The following ARMH1 variants were observed in gnomAD, a reference collection of about 807,000 sequenced individuals.
ARMH1 encodes armadillo-like helical domain containing protein 1.
Under a neutral mutation model 50.2 loss-of-function variants are expected in ARMH1, and 34 were observed. The ratio of observed to expected loss-of-function variants is 0.68; its 90% CI spans 0.51 to 0.90. ARMH1 has a LOEUF of 0.90. ARMH1 is among the 40% of genes least tolerant of loss of function. The probability of loss-of-function intolerance (pLI) is 0.00; values close to 1 mark genes in which losing one functional copy is unlikely to be tolerated. For missense variants in ARMH1, 538 were observed against 553.9 expected (o/e 0.97, Z 0.29); for synonymous variants, 221 against 224.2 (o/e 0.99, Z 0.13).
intron 4 of ARMH1, among the ~76,000 whole-genome samples, chr1:44,699,917 C>T (rs1645987431): frequency 6.6e-6 from 1 of 151,708 alleles, no homozygotes; most frequent in African/African-American, 2.4e-5. Flanking sequence ...ACAACCTCCA[C>T]CTCCCGGGTT....
At chr1:44,698,734 A>C (rs1242939169) in intron 4 of ARMH1, among the ~76,000 whole-genome samples, 3 of 151,844 alleles carry the variant, frequency 2.0e-5, no homozygotes, top group Non-Finnish European at 4.4e-5. Flanking sequence ...AATCGCTTGA[A>C]CACAGGAGGC....
Position 44,697,611 on chromosome 1 carries a change from G to T in ARMH1, c.275+441G>T, listed in dbSNP as rs530755321. Among the ~76,000 whole-genome samples, 89 of 152,198 alleles carry T rather than the reference G, an allele frequency of 5.8e-4. 1 individual carries two copies. In the South Asian group the frequency reaches 0.017, roughly 29 times the overall value. ...CCTCTGTATGCCATGGTCCTCAGGA[G>T]CTCTAGACATACCAAAAACAGAGCA... On this transcript the variant is annotated intron_variant, in intron 3 of 11. Coordinates refer to ENST00000535358, the MANE Select transcript of ARMH1 (RefSeq NM_001145636.2).
At position 44,716,896 on chromosome 1, in the gene ARMH1, GC is replaced by G. The variant is rs1646875539; in HGVS notation, c.725-7225del. ...GACGGAGTCTCACTCTGTAACCTAG[GC>G]TGGAGTGCAGTGGCGCGATCTCGGC... On this transcript the variant is annotated intron_variant, in intron 6 of 11. Transcript: ENST00000535358. Among the ~76,000 whole-genome samples the G allele has an allele frequency of 2.0e-5, 3 of 150,788 alleles. No homozygotes were observed. In the South Asian group the frequency reaches 6.3e-4, roughly 32 times the overall value.
chr1:44,694,509 CTTTT>C (rs10531731), intron 2 of ARMH1, among the ~76,000 whole-genome samples: 8 of 113,640 alleles, frequency 7.0e-5, no homozygotes, highest in East Asian at 5.6e-4. Context: ...TTCTTTTTTT[CTTTT>C]TTTTTTTTTT....
At chr1:44,698,779 C>T (rs1351598872) in intron 4 of ARMH1, among the ~76,000 whole-genome samples, 2 of 150,100 alleles carry the variant, frequency 1.3e-5, no homozygotes, top group African/African-American at 4.9e-5. Context: ...CACCATTGCA[C>T]TCCAGCCTGG....
At chr1:44,720,814 T>C (rs957502146) in intron 6 of ARMH1, among the ~76,000 whole-genome samples, 1 of 152,096 alleles carries the variant, frequency 6.6e-6, no homozygotes, top group Non-Finnish European at 1.5e-5. Flanking sequence ...GGCAGGTGGA[T>C]CACTTGAGGT....
At chr1:44,721,059 G>A (rs1202150375) in intron 6 of ARMH1, among the ~76,000 whole-genome samples, 1 of 151,414 alleles carries the variant, frequency 6.6e-6, no homozygotes, top group South Asian at 2.1e-4. Context: ...AACAAAAAAA[G>A]GGCAAAAGAA....
At chr1:44,698,615 AG>A (rs1386726197) in intron 4 of ARMH1, among the ~76,000 whole-genome samples, 1 of 151,212 alleles carries the variant, frequency 6.6e-6, no homozygotes, top group East Asian at 2.0e-4. Context: ...GTTTGAGACC[AG>A]CCTGACCAAC....
At chr1:44,716,151 T>G (rs1269518932) in intron 6 of ARMH1, among the ~76,000 whole-genome samples, 1 of 152,166 alleles carries the variant, frequency 6.6e-6, no homozygotes, top group Non-Finnish European at 1.5e-5. Flanking sequence ...GTCAATTTTT[T>G]TTTTTCAGCA....
chr1:44,721,043 A>G (rs1647088991), intron 6 of ARMH1, among the ~76,000 whole-genome samples: 2 of 151,934 alleles, frequency 1.3e-5, no homozygotes, highest in Admixed American at 1.3e-4. Flanking sequence ...TCTCAAAACA[A>G]AACAAAACAA....
chr1:44,722,220 A>C (rs1024990047), intron 6 of ARMH1, among the ~76,000 whole-genome samples: 1 of 152,108 alleles, frequency 6.6e-6, no homozygotes. Flanking sequence ...TGGGGAGAGC[A>C]CATGGCCAAG....
At chr1:44,708,343 G>A (rs1181049597) in intron 6 of ARMH1, among the ~76,000 whole-genome samples, 1 of 152,246 alleles carries the variant, frequency 6.6e-6, no homozygotes, top group East Asian at 1.9e-4. Flanking sequence ...GAGCCTGAGT[G>A]ACTGCGGGGA....
chr1:44,701,492 C>CT (rs112588701), intron 5 of ARMH1, among the ~76,000 whole-genome samples: 5,007 of 145,588 alleles, frequency 0.034, 186 homozygotes, highest in East Asian at 0.14. Flanking sequence ...CTGGGGAAGG[C>CT]TTTTTTTTTT....
At chr1:44,718,835 A>G (rs534896561) in intron 6 of ARMH1, among the ~76,000 whole-genome samples, 2 of 151,916 alleles carry the variant, frequency 1.3e-5, no homozygotes, top group African/African-American at 4.8e-5. Context: ...GACCAGCCTG[A>G]CCACCATGGA....
chr1:44,701,923 CAA>C (rs199970205), intron 5 of ARMH1, among the ~76,000 whole-genome samples: 19 of 132,736 alleles, frequency 1.4e-4, no homozygotes, highest in East Asian at 2.2e-4. Flanking sequence ...AGACTCGTGT[CAA>C]AAAAAAAAAA....
At position 44,698,234 on chromosome 1, in the gene ARMH1, G is replaced by A. The variant is rs1557532422; in HGVS notation, c.442+5G>A. On this transcript the variant is annotated splice_donor_5th_base_variant and intron_variant, in intron 4 of 11. Transcript: ENST00000535358. ...AACTCATTTGTGAAAGCTATGGTGG[G>A]TACTGTGTGTGACAAGATGTGTCTC... The A allele has an allele frequency of 1.3e-6, 2 of 1,549,796 alleles. No homozygotes were observed. The highest frequency in any genetic ancestry group is 2.7e-5 in the African/African-American group (2 of 73,092).
chr1:44,704,026 G>A lies in ARMH1; in HGVS notation c.640-63G>A, dbSNP rs1221297949. Reference sequence around the variant, plus strand: ...CAGGCGTGAGCCACCGCACCCGGCCGGGAATCCATCTTTAAAAAAAAAAAA... The same window carrying A: ...CAGGCGTGAGCCACCGCACCCGGCCAGGAATCCATCTTTAAAAAAAAAAAA... On this transcript the variant is annotated intron_variant, in intron 5 of 11. Coordinates refer to ENST00000535358, the MANE Select transcript of ARMH1 (RefSeq NM_001145636.2). 3.7e-5 allele frequency: 51 copies of A among 1,394,594 alleles called. 2 individuals are homozygous for A. The highest frequency in any genetic ancestry group is 2.2e-4 in the South Asian group (18 of 80,012). 86.4% of individuals were successfully genotyped at this position (1,394,594 alleles called of 1,614,324 possible).
At chr1:44,692,551 C>A (rs999003999) in intron 2 of ARMH1, among the ~76,000 whole-genome samples, 2 of 152,098 alleles carry the variant, frequency 1.3e-5, no homozygotes, top group Admixed American at 1.3e-4. Context: ...CACATGTTTG[C>A]TGAGTAGAGG....
intron 6 of ARMH1, chr1:44,721,958 C>T (rs951123555): frequency 2.6e-5 from 4 of 152,206 alleles, no homozygotes; most frequent in East Asian, 1.9e-4. Context: ...CCTCTACTTA[C>T]GGTGCCTTTG....
Sources: allele counts gnomAD v4.1 joint callset (sites outside exome capture counted in the v4.1 genomes callset), GRCh38; gene constraint gnomAD v4.1.1; transcripts MANE v1.5; gene names NCBI Gene and HGNC (gene_info 2026-07-23, HGNC 2026-07-21).